PCDHGA5: variants seen among roughly 807,000 people sequenced by gnomAD.
PCDHGA5 encodes the protein protocadherin gamma-A5.
Under a neutral mutation model 56.7 loss-of-function variants are expected in PCDHGA5, and 36 were observed. That is an observed-to-expected ratio of 0.64 (90% confidence interval 0.49 to 0.84). The LOEUF is 0.84. PCDHGA5 is among the 40% of genes least tolerant of loss of function. PCDHGA5 has a pLI of 0.00. For synonymous variants in PCDHGA5, 563 were observed against 520.2 expected (o/e 1.08, Z -1.12); for missense variants, 1,305 against 1,201.5 (o/e 1.09, Z -1.27).
chr5:141,395,341 G>C, intron 1 of PCDHGA5: 1 of 1,409,696 alleles, frequency 7.1e-7, no homozygotes. Context: ...AATTTTTAAG[G>C]TGTATCACAG....
chr5:141,478,685 A>G, intron 1 of PCDHGA5: 3 of 1,551,308 alleles, frequency 1.9e-6, no homozygotes, highest in Non-Finnish European at 2.6e-6. Context: ...GGCCCTTCCT[A>G]GATCAAAGTT....
intron 1 of PCDHGA5, chr5:141,370,955 T>C (rs780139792): frequency 7.4e-6 from 12 of 1,613,996 alleles, no homozygotes; most frequent in South Asian, 4.4e-5. Flanking sequence ...AGAACCTGGA[T>C]GGCAGTAGGT....
rs1018384314 is a variant in PCDHGA5 at position 141,490,427 on chromosome 5, A to G, written c.2422-4380A>G. On this transcript the variant is annotated intron_variant, in intron 1 of 3. Coordinates refer to ENST00000518069, the MANE Select transcript of PCDHGA5 (RefSeq NM_018918.3). This position sits in a 1 kb window ranked among gnomAD's most constrained non-coding sequence, Gnocchi z 5.4. ...GATATCTCTCCGGACCTGCCATTTCAGATTAAGCCTTCTGAGAACCACTAC... is the reference window on the plus strand; with the variant it reads ...GATATCTCTCCGGACCTGCCATTTCGGATTAAGCCTTCTGAGAACCACTAC... 6.2e-7 allele frequency: 1 copy of G among 1,614,092 alleles called. No individual in the cohort carries two copies.
rs192631651 is a variant in PCDHGA5, at chr5:141,432,052, C to G, written c.2422-62755C>G. On this transcript the variant is annotated intron_variant, in intron 1 of 3. Transcript: ENST00000518069. The surrounding 1 kb of genome is among the most constrained non-coding windows in gnomAD (Gnocchi z 6.0). Reference sequence around the variant, plus strand: ...CCGCCACTGACCGGGGAACCCCGCCCCTATCCACGGAAACTCATATCTCGC... The same window carrying G: ...CCGCCACTGACCGGGGAACCCCGCCGCTATCCACGGAAACTCATATCTCGC... The G allele has an allele frequency of 8.1e-6, 13 of 1,614,226 alleles. No homozygotes were observed. In the Admixed American group the frequency reaches 1.8e-4, roughly 23 times the overall value.
At chr5:141,385,005 C>T in intron 1 of PCDHGA5, 1 of 1,614,138 alleles carries the variant, frequency 6.2e-7, no homozygotes, top group Non-Finnish European at 8.5e-7. Flanking sequence ...CAGTCTCCTG[C>T]GTCTTCCTAG....
In PCDHGA5 at chr5:141,432,112, C is replaced by T; in HGVS notation, c.2422-62695C>T. ...CAGACACCAACGACAACCCGCCGGT[C>T]TTCCCTCAGGCCTCCTATTCCGCTT... On this transcript the variant is annotated intron_variant, in intron 1 of 3. Transcript: ENST00000518069. The surrounding 1 kb of genome is among the most constrained non-coding windows in gnomAD (Gnocchi z 6.0). 1 of 1,614,186 alleles carries T rather than the reference C, an allele frequency of 6.2e-7. No individual in the cohort carries two copies. The highest frequency in any genetic ancestry group is 8.5e-7 in the Non-Finnish European group (1 of 1,180,042).
At chr5:141,375,665 C>A in intron 1 of PCDHGA5, 1 of 1,614,242 alleles carries the variant, frequency 6.2e-7, no homozygotes, top group Non-Finnish European at 8.5e-7. Flanking sequence ...GTTGAGAGAC[C>A]TACAGCTGTG....
intron 1 of PCDHGA5, chr5:141,413,001 G>A (rs2095597089): frequency 1.7e-6 from 1 of 592,790 alleles, no homozygotes; most frequent in Non-Finnish European, 2.8e-6. Flanking sequence ...CGGATTCTCA[G>A]GGCTTCAACT....
chr5:141,498,725 A>AGT (rs2099785409), intron 2 of PCDHGA5, among the ~76,000 whole-genome samples: 1 of 152,150 alleles, frequency 6.6e-6, no homozygotes, highest in Non-Finnish European at 1.5e-5. Flanking sequence ...TGAGGTCAGG[A>AGT]GTTTGAGACC....
intron 1 of PCDHGA5, among the ~76,000 whole-genome samples, chr5:141,480,875 T>C (rs1285607270): frequency 6.6e-6 from 1 of 152,062 alleles, no homozygotes; most frequent in African/African-American, 2.4e-5. Context: ...TGAAACCCCG[T>C]CTCTACTAAA....
At chr5:141,434,323 T>G (rs578049856) in intron 1 of PCDHGA5, among the ~76,000 whole-genome samples, 1 of 152,358 alleles carries the variant, frequency 6.6e-6, no homozygotes, top group South Asian at 2.1e-4. Flanking sequence ...CTCTTGCTGC[T>G]TGTCTCTTTG....
In PCDHGA5 at chr5:141,487,102, G is replaced by C; in HGVS notation, c.2422-7705G>C. The C allele has an allele frequency of 6.2e-7, 1 of 1,613,900 alleles. No homozygotes were observed. Among genetic ancestry groups the C allele is most frequent in the Non-Finnish European group, 8.5e-7 (1 of 1,179,818 alleles). ...CAGCTGACCTCCCACCACAGAAGCTGGTCATTGTGGTAAAGGATAGTGGTA... is the reference window on the plus strand; with the variant it reads ...CAGCTGACCTCCCACCACAGAAGCTCGTCATTGTGGTAAAGGATAGTGGTA... On this transcript the variant is annotated intron_variant, in intron 1 of 3. Transcript: ENST00000518069. This position sits in a 1 kb window ranked among gnomAD's most constrained non-coding sequence, Gnocchi z 5.0.
intron 1 of PCDHGA5, chr5:141,441,995 G>T: frequency 8.1e-6 from 2 of 246,740 alleles, no homozygotes; most frequent in Non-Finnish European, 8.0e-6. Flanking sequence ...CCGACGAGGT[G>T]CTGACAGCTC....
intron 1 of PCDHGA5, among the ~76,000 whole-genome samples, chr5:141,454,268 G>A (rs2098785692): frequency 6.6e-6 from 1 of 152,126 alleles, no homozygotes; most frequent in African/African-American, 2.4e-5. Context: ...AGTAATGCCA[G>A]CAAAAACTTC....
chr5:141,394,249 C>G (rs1055429829), intron 1 of PCDHGA5: 2 of 1,613,964 alleles, frequency 1.2e-6, no homozygotes, highest in South Asian at 2.2e-5. Context: ...GCACACGACC[C>G]CGACAGCCAG....
chr5:141,389,784 G>A (rs1380763543), intron 1 of PCDHGA5: 5 of 1,613,318 alleles, frequency 3.1e-6, no homozygotes, highest in Non-Finnish European at 4.2e-6. Flanking sequence ...AGGCGACAGG[G>A]ACGCCGTCCG....
At chr5:141,415,749 T>TG in intron 1 of PCDHGA5, 2 of 1,214,000 alleles carry the variant, frequency 1.6e-6, no homozygotes, top group Non-Finnish European at 1.1e-6. Context: ...GGTTTTTTTT[T>TG]TTTTTTTTTT....
intron 1 of PCDHGA5, chr5:141,383,550 C>A: frequency 6.2e-7 from 1 of 1,612,098 alleles, no homozygotes; most frequent in Non-Finnish European, 8.5e-7. Flanking sequence ...CCTCTGATGG[C>A]GGCGACCCGC....
At chr5:141,385,452 G>C in intron 1 of PCDHGA5, 2 of 1,446,532 alleles carry the variant, frequency 1.4e-6, no homozygotes, top group Non-Finnish European at 1.8e-6. Context: ...GAGTTTACCA[G>C]TTTCCTTCAG....
Sources: gnomAD v4.1 joint callset for allele counts (sites outside exome capture counted in the v4.1 genomes callset) on GRCh38, gnomAD v4.1.1 for gene constraint, Gnocchi (gnomAD v3.1) non-coding constraint, MANE v1.5 for transcripts, NCBI Gene and HGNC (gene_info 2026-07-23, HGNC 2026-07-21) for gene names.